Variants in PCDH9 observed in about 807,000 individuals in gnomAD.
PCDH9 encodes protocadherin 9, also known as protocadherin-9.
PCDH9 carries 24 observed loss-of-function variants against 70.6 expected under a neutral mutation model. The ratio of observed to expected loss-of-function variants is 0.34; its 90% confidence interval spans 0.25 to 0.48. The LOEUF is 0.48. PCDH9 is among the 20% of genes least tolerant of loss of function. PCDH9 has a pLI of 0.99. For synonymous variants in PCDH9, 562 were observed against 558.5 expected, an observed-to-expected ratio of 1.01 and a Z score of -0.09; for missense variants, 1,281 against 1,503.6, an observed-to-expected ratio of 0.85 and a Z score of 2.45.
intron 2 of PCDH9, among the ~76,000 whole-genome samples, chr13:67,082,457 GTAAGTGGCACATTTCTT>G (rs2086005199): frequency 6.6e-6 from 1 of 152,132 alleles, no homozygotes; most frequent in African/African-American, 2.4e-5. Context: ...GCCATTGTAT[GTAAGTGGCACATTTCTT>G]TATTCATCCA....
chr13:66,383,455 G>A (rs1418215856), intron 4 of PCDH9, among the ~76,000 whole-genome samples: 1 of 152,168 alleles, frequency 6.6e-6, no homozygotes, highest in Non-Finnish European at 1.5e-5. Context: ...GCTCATCAAA[G>A]TCAACTTGCT....
chr13:66,857,756 G>A (rs1454393964), intron 3 of PCDH9, among the ~76,000 whole-genome samples: 1 of 152,080 alleles, frequency 6.6e-6, no homozygotes, highest in Non-Finnish European at 1.5e-5. Context: ...GAAATGAAAT[G>A]TAGTACACAT....
chr13:66,871,468 A>C (rs1201414021), intron 3 of PCDH9, among the ~76,000 whole-genome samples: 2 of 152,090 alleles, frequency 1.3e-5, no homozygotes, highest in African/African-American at 4.8e-5. Flanking sequence ...CGATACTCTT[A>C]AATTCCTCTT....
chr13:66,737,496 A>G (rs1356333844), intron 3 of PCDH9, among the ~76,000 whole-genome samples: 2 of 152,234 alleles, frequency 1.3e-5, no homozygotes, highest in African/African-American at 2.4e-5. Context: ...GGAGGAGCCA[A>G]GATGGCCGAA....
At chr13:66,705,836 C>T (rs1326450765) in intron 3 of PCDH9, among the ~76,000 whole-genome samples, 1 of 152,060 alleles carries the variant, frequency 6.6e-6, no homozygotes, top group Non-Finnish European at 1.5e-5. Flanking sequence ...ATAAGAATTG[C>T]AGGAAACTTA....
chr13:67,204,085 G>T (rs2089282125), intron 2 of PCDH9: 1 of 151,942 alleles, frequency 6.6e-6, no homozygotes, highest in African/African-American at 2.4e-5. Context: ...ATATAAGGCT[G>T]GTTATGTATA....
intron 3 of PCDH9, among the ~76,000 whole-genome samples, chr13:66,812,890 A>G (rs2080534520): frequency 6.6e-6 from 1 of 152,206 alleles, no homozygotes; most frequent in East Asian, 1.9e-4. Flanking sequence ...GGCAACCATC[A>G]CAGGCACCAA....
At chr13:67,214,448 A>G (rs914774326) in intron 2 of PCDH9, 2 of 152,154 alleles carry the variant, frequency 1.3e-5, no homozygotes, top group African/African-American at 4.8e-5. Flanking sequence ...CTTATATGTG[A>G]TTTTGTAATA....
Position 67,227,283 on chromosome 13 carries a change from A to T in PCDH9, c.1158T>A (p.Ile386=). The part of the protein sequence containing the change: ...KDPVNTKIAL[I]TVSDKDTDVN... ...CATCTGTGTCCTTATCTGAAACTGT[A>T]ATTAGGGCAATCTTTGTATTGACAG... Residue 386 remains isoleucine (I), a synonymous_variant, in exon 2 of 5, where the codon ATT becomes ATA. Coordinates refer to ENST00000377865, the MANE Select transcript of PCDH9 (RefSeq NM_203487.3). The surrounding 1 kb of genome is among the most constrained non-coding windows in gnomAD (Gnocchi z 4.6). The T allele has an allele frequency of 6.2e-7, 1 of 1,613,066 alleles. No homozygotes were observed. The highest frequency in any genetic ancestry group is 8.5e-7 in the Non-Finnish European group (1 of 1,179,050).
At chr13:67,072,736 A>T (rs963455142) in intron 2 of PCDH9, among the ~76,000 whole-genome samples, 1 of 152,156 alleles carries the variant, frequency 6.6e-6, no homozygotes, top group African/African-American at 2.4e-5. Flanking sequence ...ACTTAAAAAA[A>T]AATAGTGGAG....
chr13:67,169,715 A>T (rs2088224704), intron 2 of PCDH9, among the ~76,000 whole-genome samples: 1 of 152,216 alleles, frequency 6.6e-6, no homozygotes. Flanking sequence ...TATTTTCCTG[A>T]AAAATAATTA....
chr13:66,502,246 A>G (rs1263198953), intron 4 of PCDH9, among the ~76,000 whole-genome samples: 1 of 152,156 alleles, frequency 6.6e-6, no homozygotes, highest in Non-Finnish European at 1.5e-5. Flanking sequence ...ATTTCACATT[A>G]ACTATCACAC....
intron 3 of PCDH9, among the ~76,000 whole-genome samples, chr13:66,785,373 G>C (rs1303645558): frequency 1.3e-5 from 2 of 151,892 alleles, no homozygotes; most frequent in East Asian, 3.9e-4. Flanking sequence ...TCTGTTCGAA[G>C]AGTGTATTAT....
chr13:67,066,462 G>T lies in PCDH9; in HGVS notation c.3036+158943C>A, dbSNP rs140238145. Among the ~76,000 whole-genome samples the T allele has an allele frequency of 2.8e-4, 42 of 152,276 alleles. 1 individual carries two copies. Among genetic ancestry groups the T allele is most frequent in the African/African-American group, 9.6e-4 (40 of 41,544 alleles). On this transcript the variant is annotated intron_variant, in intron 2 of 4. Transcript: ENST00000377865. ...TTAGCCAAGTTGGTCTCAAACTCCT[G>T]ACCTCAGGTGATTTGCCCGCCTCAG...
chr13:66,916,960 T>C (rs1403853576), intron 2 of PCDH9, among the ~76,000 whole-genome samples: 1 of 151,474 alleles, frequency 6.6e-6, no homozygotes, highest in Non-Finnish European at 1.5e-5. Flanking sequence ...CAATAGAAAG[T>C]ACATACAAAA....
At chr13:67,046,972 C>T (rs750306970) in intron 2 of PCDH9, among the ~76,000 whole-genome samples, 2 of 151,978 alleles carry the variant, frequency 1.3e-5, no homozygotes, top group Non-Finnish European at 2.9e-5. Flanking sequence ...GAAAATATTC[C>T]GATAGAACAT....
intron 1 of PCDH9, among the ~76,000 whole-genome samples, 191 bp downstream of exon 1, chr13:67,229,588 AT>A (rs2089962495): frequency 6.6e-6 from 1 of 152,194 alleles, no homozygotes; most frequent in African/African-American, 2.4e-5. Flanking sequence ...CTCTAATCTT[AT>A]CTGCATTAGG....
At chr13:66,712,714 G>A (rs1029449557) in intron 3 of PCDH9, among the ~76,000 whole-genome samples, 1 of 152,066 alleles carries the variant, frequency 6.6e-6, no homozygotes, top group Non-Finnish European at 1.5e-5. Context: ...AGTTCTAAAT[G>A]TAGAATTGTG....
chr13:66,815,982 G>A (rs927758952), intron 3 of PCDH9, among the ~76,000 whole-genome samples: 3 of 152,014 alleles, frequency 2.0e-5, no homozygotes, highest in Admixed American at 6.6e-5. Context: ...ATTAAATTAA[G>A]AACAAATATT....
Sources: allele counts gnomAD v4.1 joint callset (sites outside exome capture counted in the v4.1 genomes callset), GRCh38; gene constraint gnomAD v4.1.1; non-coding constraint Gnocchi (gnomAD v3.1); transcripts MANE v1.5; gene names NCBI Gene and HGNC (gene_info 2026-07-23, HGNC 2026-07-21).